The following DAB1 variants were observed in gnomAD, a reference collection of about 807,000 sequenced individuals.
The protein encoded by DAB1 is disabled homolog 1.
In DAB1, 15 loss-of-function variants were observed where a neutral mutation model predicts 64.6. The ratio of observed to expected loss-of-function variants is 0.23; its 90% CI spans 0.16 to 0.36. The LOEUF is 0.36. DAB1 is among the 10% of genes least tolerant of loss of function. DAB1 has a pLI of 1.00. For missense variants in DAB1, 596 were observed against 706.7 expected (o/e 0.84, Z 1.78); for synonymous variants, 235 against 251.9 (o/e 0.93, Z 0.64).
At chr1:57,318,751 A>G (rs1452333301) in intron 1 of DAB1, among the ~76,000 whole-genome samples, 4 of 141,654 alleles carry the variant, frequency 2.8e-5, no homozygotes, top group Non-Finnish European at 6.1e-5. Flanking sequence ...AAAAAAAAAA[A>G]AAATTTCATC....
chr1:58,113,806 T>C (rs1044478256), intron 5 of DAB1, among the ~76,000 whole-genome samples: 2 of 152,194 alleles, frequency 1.3e-5, no homozygotes, highest in Non-Finnish European at 2.9e-5. Flanking sequence ...AGTAGGAGTT[T>C]TGTGTACAGC....
At chr1:58,456,955 C>CT (rs975247091) in intron 3 of DAB1, among the ~76,000 whole-genome samples, 1 of 152,110 alleles carries the variant, frequency 6.6e-6, no homozygotes, top group Non-Finnish European at 1.5e-5. Context: ...CTGTAAGGTT[C>CT]TATTATTATT....
chr1:58,332,408 G>A (rs1271490569), intron 4 of DAB1, among the ~76,000 whole-genome samples: 2 of 152,266 alleles, frequency 1.3e-5, no homozygotes, highest in East Asian at 1.9e-4. Context: ...GAATACCTTG[G>A]AGATGTTGGA....
chr1:58,279,886 G>A (rs894445795), intron 4 of DAB1, among the ~76,000 whole-genome samples: 12 of 152,218 alleles, frequency 7.9e-5, no homozygotes, highest in Middle Eastern at 3.4e-3. Flanking sequence ...AGCCTTTGCC[G>A]TGACTTTGCA....
chr1:57,729,323 C>A (rs903185192), intron 6 of DAB1, among the ~76,000 whole-genome samples: 3 of 152,192 alleles, frequency 2.0e-5, no homozygotes, highest in African/African-American at 7.2e-5. Flanking sequence ...GCAGCCAGTC[C>A]CCCACATCCC....
chr1:57,503,210 A>G (rs1487810187), intron 7 of DAB1, among the ~76,000 whole-genome samples: 1 of 152,230 alleles, frequency 6.6e-6, no homozygotes, highest in African/African-American at 2.4e-5. Context: ...ATCATAGGGT[A>G]CTGTAGCCAA....
intron 4 of DAB1, among the ~76,000 whole-genome samples, chr1:57,077,919 TAAC>T (rs1652139133): frequency 6.6e-6 from 1 of 151,820 alleles, no homozygotes; most frequent in Non-Finnish European, 1.5e-5. Flanking sequence ...TCAAGTGAGT[TAAC>T]AACAAAACAA....
At chr1:57,679,096 T>C (rs1206532796) in intron 6 of DAB1, among the ~76,000 whole-genome samples, 1 of 152,120 alleles carries the variant, frequency 6.6e-6, no homozygotes, top group Non-Finnish European at 1.5e-5. Context: ...GTTATCTTCA[T>C]TTTCTAGAGA....
intron 2 of DAB1, among the ~76,000 whole-genome samples, chr1:57,282,400 A>G (rs1050032015): frequency 5.9e-5 from 9 of 152,174 alleles, no homozygotes; most frequent in African/African-American, 1.9e-4. Context: ...CCACATTTCA[A>G]AGGGCTTGAT....
intron 4 of DAB1, among the ~76,000 whole-genome samples, chr1:58,258,325 T>G (rs1415882551): frequency 6.6e-6 from 1 of 152,222 alleles, no homozygotes; most frequent in Non-Finnish European, 1.5e-5. Flanking sequence ...TTTCAGGACT[T>G]CAGTCAGTGA....
At chr1:58,403,979 T>C (rs917255547) in intron 3 of DAB1, among the ~76,000 whole-genome samples, 3 of 152,224 alleles carry the variant, frequency 2.0e-5, no homozygotes, top group African/African-American at 7.2e-5. Context: ...TTGGATTTAT[T>C]TGGTCTGGAG....
intron 7 of DAB1, among the ~76,000 whole-genome samples, chr1:57,593,121 T>C (rs997896056): frequency 3.3e-5 from 5 of 152,174 alleles, no homozygotes; most frequent in South Asian, 2.1e-4. Flanking sequence ...CTTGCAAAAC[T>C]GAAACTCTGT....
Position 57,071,561 on chromosome 1 carries a change from CT to C in DAB1, c.518del (p.Lys173ArgfsTer68). Reference sequence around the variant, plus strand: ...GTTCACACTGCTTATCCTTTTGTGCCTTTTTTTCTAATTCTTCTCTTTGCTT... The same window carrying C: ...GTTCACACTGCTTATCCTTTTGTGCCTTTTTTCTAATTCTTCTCTTTGCTT... ...ELKQREELEK[K>X]AQKDKQCEQA... On this transcript the variant is annotated frameshift_variant, in exon 6 of 15. Transcript: ENST00000371236. LOFTEE classifies it high-confidence loss of function. The C allele has an allele frequency of 6.2e-7, 1 of 1,613,690 alleles. No homozygotes were observed. The highest frequency in any genetic ancestry group is 8.5e-7 in the Non-Finnish European group (1 of 1,179,838).
intron 7 of DAB1, among the ~76,000 whole-genome samples, chr1:57,454,935 T>C (rs779432321): frequency 2.4e-4 from 36 of 152,162 alleles, no homozygotes; most frequent in Middle Eastern, 6.8e-3. Context: ...AATTTCAATA[T>C]TGTGCTGTAA....
At chr1:57,260,340 G>A (rs1200905681) in intron 2 of DAB1, among the ~76,000 whole-genome samples, 1 of 152,164 alleles carries the variant, frequency 6.6e-6, no homozygotes, top group Non-Finnish European at 1.5e-5. Flanking sequence ...AGTAAAGTCA[G>A]CTCATTGCTC....
At chr1:58,136,318 C>T (rs1340934003) in intron 5 of DAB1, among the ~76,000 whole-genome samples, 2 of 152,146 alleles carry the variant, frequency 1.3e-5, no homozygotes, top group Non-Finnish European at 2.9e-5. Context: ...TTAGCCACCA[C>T]TTATTCTGGG....
intron 2 of DAB1, among the ~76,000 whole-genome samples, chr1:57,169,754 C>T (rs546142830): frequency 2.2e-4 from 34 of 152,234 alleles, no homozygotes; most frequent in African/African-American, 4.8e-4. Flanking sequence ...CAGCAAGAAT[C>T]CTTTTAGGTG....
chr1:57,617,103 C>T (rs537687200), intron 7 of DAB1, among the ~76,000 whole-genome samples: 1 of 152,220 alleles, frequency 6.6e-6, no homozygotes, highest in Admixed American at 6.5e-5. Flanking sequence ...ATTCTTGGTA[C>T]CCTGCCCAGA....
intron 6 of DAB1, among the ~76,000 whole-genome samples, chr1:57,702,441 G>A (rs1416909527): frequency 1.3e-5 from 2 of 152,054 alleles, no homozygotes; most frequent in Non-Finnish European, 2.9e-5. Context: ...GCTCCTCCAG[G>A]ATGCCATTTC....
Sources: gnomAD v4.1 joint callset for allele counts (sites outside exome capture counted in the v4.1 genomes callset) on GRCh38, gnomAD v4.1.1 for gene constraint, MANE v1.5 for transcripts, NCBI Gene and HGNC (gene_info 2026-07-23, HGNC 2026-07-21) for gene names.